GRM7: variants seen among roughly 807,000 people sequenced by gnomAD.
GRM7 encodes metabotropic glutamate receptor 7.
Under a neutral mutation model 84.5 loss-of-function variants are expected in GRM7, and 35 were observed. The observed-to-expected ratio is 0.41, with a 90% confidence interval of 0.32 to 0.55. The LOEUF is 0.55. Among genes scored for constraint, GRM7 ranks in the 20% least tolerant of loss-of-function variants. GRM7 has a pLI of 0.19. For missense variants in GRM7, 1,003 were observed against 1,194.6 expected, an observed-to-expected ratio of 0.84 and a Z score of 2.36; for synonymous variants, 487 against 455.1, an observed-to-expected ratio of 1.07 and a Z score of -0.89.
intron 2 of GRM7, among the ~76,000 whole-genome samples, chr3:7,216,663 T>C (rs562455174): frequency 8.5e-5 from 13 of 152,310 alleles, no homozygotes; most frequent in Non-Finnish European, 1.6e-4. Flanking sequence ...CCAAATAAAC[T>C]GTTCTCTATT....
chr3:7,335,135 A>G (rs1486935499), intron 4 of GRM7, among the ~76,000 whole-genome samples: 3 of 152,188 alleles, frequency 2.0e-5, no homozygotes, highest in Non-Finnish European at 4.4e-5. Flanking sequence ...CACGTGAAAC[A>G]TTCTCCAAGA....
chr3:7,548,835 A>C (rs1410323053), intron 7 of GRM7, among the ~76,000 whole-genome samples: 1 of 152,202 alleles, frequency 6.6e-6, no homozygotes, highest in Non-Finnish European at 1.5e-5. Context: ...CACTCTCTGC[A>C]TTTTGTGGTG....
chr3:7,126,704 C>T (rs62236058), intron 1 of GRM7, among the ~76,000 whole-genome samples: 36,483 of 151,976 alleles, frequency 0.24, 4,526 homozygotes, highest in Non-Finnish European at 0.26. Flanking sequence ...GTGTTGTTGT[C>T]GTGAGAAACC....
chr3:7,313,327 A>G (rs1700472937), intron 4 of GRM7, among the ~76,000 whole-genome samples: 1 of 152,104 alleles, frequency 6.6e-6, no homozygotes, highest in Non-Finnish European at 1.5e-5. Flanking sequence ...AGGAAGGCAG[A>G]AAAGACAGAT....
intron 1 of GRM7, among the ~76,000 whole-genome samples, chr3:7,103,024 C>G (rs550923592): frequency 4.4e-4 from 67 of 151,862 alleles, no homozygotes; most frequent in Non-Finnish European, 9.1e-4. Context: ...CTTGCTAATG[C>G]AACAACTGGG....
chr3:6,988,274 G>T (rs1694503625), intron 1 of GRM7, among the ~76,000 whole-genome samples: 1 of 148,912 alleles, frequency 6.7e-6, no homozygotes, highest in Non-Finnish European at 1.5e-5. Context: ...CTCCCAAAGT[G>T]CTGGGATTAC....
intron 2 of GRM7, among the ~76,000 whole-genome samples, chr3:7,249,752 C>T (rs951167775): frequency 7.9e-5 from 12 of 152,200 alleles, no homozygotes; most frequent in African/African-American, 2.6e-4. Context: ...GTATTTGTTA[C>T]AATATAGATA....
In GRM7 at chr3:7,420,678, C is replaced by T. The variant is rs112348500; in HGVS notation, c.1174+5515C>T. The stretch of plus-strand genomic sequence containing the variant: ...CCCTTAAATCTTCCCCTACCTACCT[C>T]TATAAATGGCTTGTTTCTAATTGTG... On this transcript the variant is annotated intron_variant, in intron 5 of 9. Coordinates refer to ENST00000357716, the MANE Select transcript of GRM7 (RefSeq NM_000844.4). 2.9e-3 allele frequency among the ~76,000 whole-genome samples: 446 copies of T among 152,250 alleles called. 2 individuals are homozygous for T. The highest frequency in any genetic ancestry group is 9.6e-3 in the African/African-American group (397 of 41,550).
At chr3:7,583,859 C>T (rs1695388408) in intron 8 of GRM7, among the ~76,000 whole-genome samples, 1 of 152,084 alleles carries the variant, frequency 6.6e-6, no homozygotes, top group African/African-American at 2.4e-5. Context: ...TGTACTGTGC[C>T]CTTGGTACTC....
chr3:6,904,223 GT>G lies in GRM7; in HGVS notation c.519+42322del, dbSNP rs1696490148. ...GAAATCACAAAGATATTTGTTTGTAGTTTTTTATTCTCTCTAAATTTTGTCT... is the reference window on the plus strand; with the variant it reads ...GAAATCACAAAGATATTTGTTTGTAGTTTTTATTCTCTCTAAATTTTGTCT... On this transcript the variant is annotated intron_variant, in intron 1 of 9. Coordinates refer to ENST00000357716, the MANE Select transcript of GRM7 (RefSeq NM_000844.4). 4.6e-5 allele frequency among the ~76,000 whole-genome samples: 7 copies of G among 151,996 alleles called. No homozygotes were observed. The South Asian group carries it at 1.5e-3, about 32-fold the overall frequency.
intron 1 of GRM7, among the ~76,000 whole-genome samples, chr3:7,131,206 G>C (rs776240563): frequency 2.0e-5 from 3 of 152,162 alleles, no homozygotes; most frequent in Non-Finnish European, 2.9e-5. Context: ...ACCAAAGTGA[G>C]TAAAGTTCTT....
chr3:6,980,530 G>C (rs1023358474), intron 1 of GRM7, among the ~76,000 whole-genome samples: 1 of 152,106 alleles, frequency 6.6e-6, no homozygotes, highest in African/African-American at 2.4e-5. Context: ...AAACTAGTTT[G>C]TTAAAGAGAT....
At chr3:6,873,422 G>A (rs979780534) in intron 1 of GRM7, among the ~76,000 whole-genome samples, 2 of 152,156 alleles carry the variant, frequency 1.3e-5, no homozygotes, top group Non-Finnish European at 2.9e-5. Flanking sequence ...GTGGTTAAGA[G>A]TACAGGTGCT....
intron 1 of GRM7, among the ~76,000 whole-genome samples, chr3:6,947,488 C>A (rs560677713): frequency 2.6e-5 from 4 of 152,232 alleles, no homozygotes; most frequent in African/African-American, 9.6e-5. Flanking sequence ...CATCAATGTT[C>A]GTCAAGGATA....
chr3:7,577,252 GGGATCGTGTTAAA>G (rs1695010482), intron 7 of GRM7, among the ~76,000 whole-genome samples: 1 of 152,144 alleles, frequency 6.6e-6, no homozygotes, highest in Admixed American at 6.5e-5. Context: ...AGCATCACCT[GGGATCGTGTTAAA>G]AATGCATATT....
intron 1 of GRM7, among the ~76,000 whole-genome samples, chr3:7,117,698 T>C (rs578040906): frequency 1.8e-4 from 28 of 152,340 alleles, no homozygotes; most frequent in African/African-American, 6.5e-4. Flanking sequence ...ATTTAAAATC[T>C]GGAATGCTAC....
intron 8 of GRM7, among the ~76,000 whole-genome samples, chr3:7,678,623 C>T (rs1700233120): frequency 6.6e-6 from 1 of 152,142 alleles, no homozygotes. Context: ...ATTAATTCAA[C>T]ATTGTTTTGT....
intron 4 of GRM7, among the ~76,000 whole-genome samples, chr3:7,373,522 C>T (rs1024634289): frequency 3.7e-4 from 57 of 152,150 alleles, no homozygotes; most frequent in African/African-American, 1.3e-3. Flanking sequence ...TTAATAAACG[C>T]AGCACCAAGA....
intron 7 of GRM7, among the ~76,000 whole-genome samples, chr3:7,482,032 C>T (rs997745037): frequency 2.2e-4 from 34 of 151,976 alleles, no homozygotes; most frequent in African/African-American, 7.7e-4. Flanking sequence ...ACTAAAAATA[C>T]AAAAAATTAG....
Sources: allele counts gnomAD v4.1 joint callset (sites outside exome capture counted in the v4.1 genomes callset), GRCh38; gene constraint gnomAD v4.1.1; transcripts MANE v1.5; gene names NCBI Gene and HGNC (gene_info 2026-07-23, HGNC 2026-07-21).